CDH6: variants seen among roughly 807,000 people sequenced by gnomAD.
CDH6 encodes cadherin 6.
Under a neutral mutation model 78.0 loss-of-function variants are expected in CDH6, and 31 were observed. The observed-to-expected ratio is 0.40, with a 90% confidence interval of 0.30 to 0.54. The LOEUF is 0.54. Among genes scored for constraint, CDH6 ranks in the 20% least tolerant of loss-of-function variants. The pLI is 0.56. For synonymous variants in CDH6, 376 were observed against 368.8 expected, an observed-to-expected ratio of 1.02 and a Z score of -0.23; for missense variants, 724 against 975.9, an observed-to-expected ratio of 0.74 and a Z score of 3.44.
chr5:31,309,546 G>GT (rs146736779), intron 7 of CDH6, among the ~76,000 whole-genome samples: 1,925 of 151,336 alleles, frequency 0.013, 49 homozygotes, highest in African/African-American at 0.044. Flanking sequence ...GAAATGGGCA[G>GT]TTTTTTTTTC....
chr5:31,309,361 T>C (rs1464655923), intron 7 of CDH6, among the ~76,000 whole-genome samples: 1 of 152,190 alleles, frequency 6.6e-6, no homozygotes, highest in Non-Finnish European at 1.5e-5. Context: ...ACCAAAATAA[T>C]ACATTCAAGT....
intron 1 of CDH6, among the ~76,000 whole-genome samples, chr5:31,201,970 G>A (rs915161811): frequency 1.3e-5 from 2 of 152,128 alleles, no homozygotes; most frequent in Non-Finnish European, 2.9e-5. Flanking sequence ...TGGCCAGAAT[G>A]TGTCATTAAT....
At chr5:31,267,755 C>A in intron 2 of CDH6, 54 bp downstream of exon 2, 1 of 1,308,620 alleles carries the variant, frequency 7.6e-7, no homozygotes, top group Non-Finnish European at 1.1e-6. Flanking sequence ...GAAGAAGTTA[C>A]TTCTAATAAA....
chr5:31,313,269 A>C (rs1488312714), intron 7 of CDH6, 49 bp from the exon 8 acceptor site: 3 of 1,530,558 alleles, frequency 2.0e-6, no homozygotes, highest in African/African-American at 2.7e-5. Context: ...TGATGTGAGA[A>C]TAGGAAATAG....
chr5:31,305,102 G>A (rs1737946397), intron 6 of CDH6, 72 bp from the exon 7 acceptor site: 2 of 1,482,398 alleles, frequency 1.3e-6, no homozygotes, highest in Non-Finnish European at 1.8e-6. Flanking sequence ...CACCAAAAAT[G>A]TTTCGTGTCT....
At position 31,317,499 on chromosome 5, in the gene CDH6, G is replaced by C. The variant is rs1473812018; in HGVS notation, c.1630+7G>C. ...ACCATTCAAGACAACAAAGGTAAAT[G>C]AGTTCAAGTTACCTTCTCTATCTAT... On this transcript the variant is annotated splice_region_variant and intron_variant, in intron 10 of 11. Coordinates refer to ENST00000265071, the MANE Select transcript of CDH6 (RefSeq NM_004932.4). 8 of 1,582,052 alleles carry C rather than the reference G, an allele frequency of 5.1e-6. No individual in the cohort carries two copies. The highest frequency in any genetic ancestry group is 6.9e-6 in the Non-Finnish European group (8 of 1,153,316).
intron 1 of CDH6, among the ~76,000 whole-genome samples, chr5:31,221,430 T>C (rs929418639): frequency 6.6e-6 from 1 of 152,206 alleles, no homozygotes; most frequent in Non-Finnish European, 1.5e-5. Flanking sequence ...CTCCAAGTAA[T>C]GGAATCTTGG....
At chr5:31,282,789 G>C (rs1742896792) in intron 2 of CDH6, among the ~76,000 whole-genome samples, 1 of 152,126 alleles carries the variant, frequency 6.6e-6, no homozygotes, top group Non-Finnish European at 1.5e-5. Context: ...CTGTGTTTAG[G>C]CTTAAACTTC....
At position 31,323,848 on chromosome 5, in the gene CDH6, A is replaced by G. The variant is rs1301147503; in HGVS notation, c.*540A>G. 4.3e-6 allele frequency: 1 copy of G among 230,416 alleles called. No homozygotes were observed. Among genetic ancestry groups the G allele is most frequent in the Non-Finnish European group, 8.6e-6 (1 of 116,444 alleles). The allele number at this position is 230,416 out of a possible 1,614,324, so 14.3% of individuals were successfully genotyped here. A position where few individuals can be genotyped will look rare whatever the true frequency, so the allele number is the denominator to read the frequency against. On this transcript the variant is annotated 3_prime_UTR_variant, in exon 12 of 12. Transcript: ENST00000265071. ...TCTTCAAGAACTTTCTCTGCCATCA[A>G]CTACTATTCAAAACCTCAAATCCAC...
chr5:31,285,479 G>C (rs76359976), intron 2 of CDH6, among the ~76,000 whole-genome samples: 41 of 152,208 alleles, frequency 2.7e-4, no homozygotes, highest in Admixed American at 1.2e-3. Flanking sequence ...TCTAATTTCT[G>C]CTTTTTTCTG....
intron 1 of CDH6, among the ~76,000 whole-genome samples, chr5:31,246,075 A>AT (rs1215286263): frequency 1.3e-5 from 2 of 150,766 alleles, no homozygotes; most frequent in African/African-American, 4.9e-5. Context: ...ACCCAGCTAA[A>AT]TTTTTTTTGT....
At chr5:31,278,068 A>G (rs1230437826) in intron 2 of CDH6, among the ~76,000 whole-genome samples, 1 of 152,158 alleles carries the variant, frequency 6.6e-6, no homozygotes, top group African/African-American at 2.4e-5. Flanking sequence ...TTAAGTATAC[A>G]GTATTATATT....
At chr5:31,281,625 A>G (rs889413057) in intron 2 of CDH6, among the ~76,000 whole-genome samples, 2 of 152,206 alleles carry the variant, frequency 1.3e-5, no homozygotes, top group Non-Finnish European at 2.9e-5. Flanking sequence ...CTTTTTGGGG[A>G]AATAACTTTA....
intron 1 of CDH6, among the ~76,000 whole-genome samples, chr5:31,223,030 T>TTC (rs200163995): frequency 1.3e-5 from 2 of 151,588 alleles, no homozygotes; most frequent in Non-Finnish European, 2.9e-5. Context: ...CTCTTACTCT[T>TTC]TCTCTCTCTC....
rs1561065299 is a variant in CDH6 at position 31,302,251 on chromosome 5, G to A, written c.952G>A (p.Val318Ile). Residue 318 changes from valine (V) to isoleucine (I), a missense_variant, in exon 6 of 12, where the codon GTC becomes ATC. Coordinates refer to ENST00000265071, the MANE Select transcript of CDH6 (RefSeq NM_004932.4). ...CGGTGAGGGGCTGGATATGTTTGAT[G>A]TCATCACCGACCAGGAAACCCAGGA... is the stretch of plus-strand genomic sequence containing the variant. Reference protein sequence around the residue: ...TDGEGLDMFDVITDQETQEGI... With the variant: ...TDGEGLDMFDIITDQETQEGI... The A allele has an allele frequency of 6.2e-7, 1 of 1,614,056 alleles. No homozygotes were observed.
intron 2 of CDH6, among the ~76,000 whole-genome samples, chr5:31,290,718 G>C (rs139772083): frequency 1.8e-4 from 28 of 152,260 alleles, no homozygotes; most frequent in Admixed American, 7.8e-4. Context: ...GAGGAGGAGA[G>C]TGGGGAGAAA....
At chr5:31,247,267 T>C (rs1020388337) in intron 1 of CDH6, among the ~76,000 whole-genome samples, 1 of 152,214 alleles carries the variant, frequency 6.6e-6, no homozygotes, top group Non-Finnish European at 1.5e-5. Context: ...GAGTCATTTG[T>C]TCTCCACATT....
intron 6 of CDH6, among the ~76,000 whole-genome samples, chr5:31,302,958 G>GAAAGAAAGAAAGAAAGAAGGAAA (rs1561066578): frequency 9.4e-5 from 10 of 106,098 alleles, no homozygotes; most frequent in Admixed American, 2.6e-4. Context: ...AAAGAAAGAA[G>GAAAGAAAGAAAGAAAGAAGGAAA]GAAAGAAAAG....
chr5:31,305,470 C>T, intron 7 of CDH6, 43 bp downstream of exon 7: 1 of 1,570,076 alleles, frequency 6.4e-7, no homozygotes, highest in South Asian at 1.2e-5. Flanking sequence ...AAGCTTCAGT[C>T]AATTTATATT....
Sources: gnomAD v4.1 joint callset for allele counts (sites outside exome capture counted in the v4.1 genomes callset) on GRCh38, gnomAD v4.1.1 for gene constraint, MANE v1.5 for transcripts, NCBI Gene and HGNC (gene_info 2026-07-23, HGNC 2026-07-21) for gene names.